Variants in PKP1 observed in about 807,000 individuals in gnomAD.
PKP1 encodes plakophilin 1.
A neutral mutation model predicts 76.4 loss-of-function variants in PKP1; 27 were observed. The observed-to-expected ratio is 0.35, with a 90% CI of 0.26 to 0.49. The LOEUF is 0.49. Among genes scored for constraint, PKP1 ranks in the 20% least tolerant of loss-of-function variants. The probability of loss-of-function intolerance (pLI) is 0.99; values close to 1 mark genes in which losing one functional copy is unlikely to be tolerated. For missense variants in PKP1, 964 were observed against 955.2 expected, an observed-to-expected ratio of 1.01 and a Z score of -0.12; for synonymous variants, 404 against 384.2, an observed-to-expected ratio of 1.05 and a Z score of -0.60.
At position 201,293,838 on chromosome 1, in the gene PKP1, C is replaced by T. The variant is rs566177770; in HGVS notation, c.203-104C>T. 100 of 771,110 alleles carry T rather than the reference C, an allele frequency of 1.3e-4. No individual in the cohort carries two copies. In the South Asian group the frequency reaches 1.4e-3, roughly 11 times the overall value. 47.8% of individuals were successfully genotyped at this position (771,110 alleles called of 1,614,324 possible). ...CCTCCAGGAGCTCAGACCTGGTCTCCTCCATGGGCATAGTGGACCTGGATG... is the reference window on the plus strand; with the variant it reads ...CCTCCAGGAGCTCAGACCTGGTCTCTTCCATGGGCATAGTGGACCTGGATG... On this transcript the variant is annotated intron_variant, in intron 1 of 13. Coordinates refer to ENST00000367324, the MANE Select transcript of PKP1 (RefSeq NM_001005337.3).
intron 1 of PKP1, among the ~76,000 whole-genome samples, chr1:201,289,196 G>T (rs1655828072): frequency 6.6e-6 from 1 of 152,176 alleles, no homozygotes; most frequent in Non-Finnish European, 1.5e-5. Context: ...ACCTCTGAGG[G>T]TATTCTCTCA....
Position 201,317,659 on chromosome 1 carries a change from C to A in PKP1, c.934C>A (p.Arg312Ser). Reference sequence around the variant, plus strand: ...CCAGCAGGCCGCGGCAGGGGCCCTGCGCAACCTGGTGTTCAGGAGCACCAC... The same window carrying A: ...CCAGCAGGCCGCGGCAGGGGCCCTGAGCAACCTGGTGTTCAGGAGCACCAC... ...NVQQAAAGAL[R>S]NLVFRSTTNK... The change falls in exon 5 of 14, where the codon CGC (arginine) becomes AGC (serine). Residue 312 changes from arginine to serine, a missense_variant. Physicochemically the swap from Arg to Ser is moderately radical, Grantham distance 110. Transcript: ENST00000367324. The A allele has an allele frequency of 6.2e-7, 1 of 1,613,994 alleles. No homozygotes were observed. Among genetic ancestry groups the A allele is most frequent in the Non-Finnish European group, 8.5e-7 (1 of 1,179,996 alleles).
intron 7 of PKP1, 120 bp downstream of exon 7, chr1:201,320,501 G>A (rs1259846663): frequency 4.1e-6 from 3 of 727,316 alleles, no homozygotes; most frequent in African/African-American, 3.5e-5. Flanking sequence ...GGTAGAAGAG[G>A]CATCTGGATG....
At chr1:201,320,443 C>T (rs957882069) in intron 7 of PKP1, 62 bp downstream of exon 7, 3 of 1,053,584 alleles carry the variant, frequency 2.8e-6, no homozygotes, top group East Asian at 2.4e-5. Flanking sequence ...TTTCTGGGTG[C>T]CTTTGAGGCC....
chr1:201,324,471 G>T lies in PKP1; in HGVS notation c.1724G>T (p.Gly575Val), dbSNP rs768107145. 1 of 1,613,270 alleles carries T rather than the reference G, an allele frequency of 6.2e-7. No homozygotes were observed. The highest frequency in any genetic ancestry group is 1.3e-5 in the African/African-American group (1 of 74,910). Reference protein sequence around the residue: ...MSQLIGLKEKGLPQIARLLQS... With the variant: ...MSQLIGLKEKVLPQIARLLQS... ...CAGTTGATTGGGCTGAAGGAAAAGG[G>T]CCTGCCACAAATTGCCCGCCTCCTG... is the stretch of plus-strand genomic sequence containing the variant. Residue 575 changes from glycine (G) to valine (V), a missense_variant, in exon 10 of 14, where the codon GGC becomes GTC. Gly to Val is a moderately radical substitution (Grantham distance 109). Transcript: ENST00000367324.
Position 201,322,101 on chromosome 1 carries a change from G to T in PKP1, c.1471G>T (p.Gly491Cys). ...RNAYTEKSST[G>C]CFSNKSDKMM... ...CGCCTACACCGAGAAGTCCTCCACT[G>T]GCTGCTTCAGCAACAAGAGCGACAA... The change falls in exon 8 of 14, where the codon GGC becomes TGC. Residue 491 changes from glycine to cysteine, a missense_variant. Transcript: ENST00000367324. The T allele has an allele frequency of 2.5e-6, 4 of 1,612,646 alleles. No homozygotes were observed. The highest frequency in any genetic ancestry group is 3.4e-6 in the Non-Finnish European group (4 of 1,179,992).
intron 3 of PKP1, among the ~76,000 whole-genome samples, chr1:201,314,643 G>A (rs546300654): frequency 1.1e-4 from 17 of 152,370 alleles, no homozygotes; most frequent in African/African-American, 9.6e-5. Context: ...CAGAGGTGTC[G>A]TGAGTGACAC....
rs139830834 is a variant in PKP1 at position 201,289,147 on chromosome 1, C to A, written c.203-4795C>A. Reference sequence around the variant, plus strand: ...CAGTCCTCCCTCCAGGAGCTGGAACCATCCCGCAGACACAGTCCACTCCTG... The same window carrying A: ...CAGTCCTCCCTCCAGGAGCTGGAACAATCCCGCAGACACAGTCCACTCCTG... On this transcript the variant is annotated intron_variant, in intron 1 of 13. Coordinates refer to ENST00000367324, the MANE Select transcript of PKP1 (RefSeq NM_001005337.3). 1.6e-3 allele frequency among the ~76,000 whole-genome samples: 247 copies of A among 152,326 alleles called. 1 individual carries two copies. Among genetic ancestry groups the A allele is most frequent in the Admixed American group, 4.1e-3 (62 of 15,306 alleles).
In PKP1 at chr1:201,325,001, A is replaced by C. The variant is rs200677178; in HGVS notation, c.1895A>C (p.Asn632Thr). 1.2e-5 allele frequency: 20 copies of C among 1,613,624 alleles called. No individual in the cohort carries two copies. ...LLTSHTGNTS[N>T]SEDILSSACY... Reference sequence around the variant, plus strand: ...ACCAGCCACACTGGCAATACCAGCAACTCCGAAGACATCTTGTCCTCGGCC... The same window carrying C: ...ACCAGCCACACTGGCAATACCAGCACCTCCGAAGACATCTTGTCCTCGGCC... The change falls in exon 11 of 14, where the codon AAC becomes ACC. Residue 632 changes from asparagine to threonine, a missense_variant. Asn to Thr is a moderately conservative substitution (Grantham distance 65). Coordinates refer to ENST00000367324, the MANE Select transcript of PKP1 (RefSeq NM_001005337.3).
rs10920170 is a variant in PKP1, at chr1:201,310,604, C to A, written c.307-2562C>A. Among the ~76,000 whole-genome samples the A allele has an allele frequency of 7.8e-3, 1,186 of 152,302 alleles. 15 individuals carry two copies. The highest frequency in any genetic ancestry group is 0.028 in the African/African-American group (1,149 of 41,548). On this transcript the variant is annotated intron_variant, in intron 2 of 13. Coordinates refer to ENST00000367324, the MANE Select transcript of PKP1 (RefSeq NM_001005337.3). ...CTTGTGCCTTGGAGGGAATCCAGGCCCCCTCATGGTACTTGGGGAGGACGG... is the reference window on the plus strand; with the variant it reads ...CTTGTGCCTTGGAGGGAATCCAGGCACCCTCATGGTACTTGGGGAGGACGG...
chr1:201,323,054 C>T lies in PKP1; in HGVS notation c.1545C>T (p.Asn515=), dbSNP rs1288395101. 6.2e-7 allele frequency: 1 copy of T among 1,614,170 alleles called. No individual in the cohort carries two copies. The highest frequency in any genetic ancestry group is 8.5e-7 in the Non-Finnish European group (1 of 1,180,018). ...GCCCCCTGCCTGAGGAAGAGACCAA[C>T]CCCAAGGGCAGCGGCTGGTTGTACC... ...YDCPLPEEET[N]PKGSGWLYHS... Residue 515 remains asparagine (N), a synonymous_variant, in exon 9 of 14, where the codon AAC becomes AAT. Transcript: ENST00000367324.
intron 3 of PKP1, among the ~76,000 whole-genome samples, chr1:201,314,012 T>C (rs1656649612): frequency 6.6e-6 from 1 of 152,192 alleles, no homozygotes; most frequent in Admixed American, 6.5e-5. Flanking sequence ...TTTGAGAACC[T>C]CTGATCTTAG....
chr1:201,290,755 G>C (rs985655613), intron 1 of PKP1, among the ~76,000 whole-genome samples: 8 of 152,314 alleles, frequency 5.3e-5, no homozygotes, highest in Admixed American at 2.6e-4. Context: ...TGAACTCAAG[G>C]TCCCAGGGAA....
At chr1:201,291,213 T>C (rs982713260) in intron 1 of PKP1, among the ~76,000 whole-genome samples, 2 of 152,174 alleles carry the variant, frequency 1.3e-5, no homozygotes, top group African/African-American at 4.8e-5. Context: ...AGGTGTGATG[T>C]TACCCTCATT....
intron 2 of PKP1, among the ~76,000 whole-genome samples, chr1:201,312,105 C>T (rs1656574492): frequency 6.6e-6 from 1 of 152,230 alleles, no homozygotes; most frequent in South Asian, 2.1e-4. Context: ...TGTACCCCAC[C>T]TTGCAGCCCC....
At position 201,313,336 on chromosome 1, in the gene PKP1, C is replaced by A; in HGVS notation, c.477C>A (p.Leu159=). 1 of 1,590,674 alleles carries A rather than the reference C, an allele frequency of 6.3e-7. No individual in the cohort carries two copies. The change falls in exon 3 of 14, where the codon CTC becomes CTA. Residue 159 remains leucine, a synonymous_variant. Transcript: ENST00000367324. ...KIKASRSEPD[L]YCDPRGTLRK... is the part of the protein sequence containing the mutation. ...AGGCGAGCCGCAGTGAGCCCGACCTCTACTGTGACCCACGGGGCACCCTGC... is the reference window on the plus strand; with the variant it reads ...AGGCGAGCCGCAGTGAGCCCGACCTATACTGTGACCCACGGGGCACCCTGC...
chr1:201,321,901 T>TAG, intron 7 of PKP1, 77 bp from the exon 8 acceptor site: 2 of 1,550,300 alleles, frequency 1.3e-6, no homozygotes, highest in East Asian at 2.2e-5. Context: ...GCTCTCTTAT[T>TAG]AGCTAGGGTA....
At chr1:201,285,882 G>A (rs114669947) in intron 1 of PKP1, among the ~76,000 whole-genome samples, 1,872 of 152,346 alleles carry the variant, frequency 0.012, 24 homozygotes, top group Middle Eastern at 0.02. Flanking sequence ...CTGGGGGAGG[G>A]TTGATGCTGA....
rs569564663 is a variant in PKP1 at position 201,322,031 on chromosome 1, C to G, written c.1401C>G (p.Ala467=). ...ACAACCTCTCCTACCGCCTGGACGC[C>G]GAGGTGCCCACCCGCTACCGCCAGC... ...VLHNLSYRLD[A]EVPTRYRQLE... is the part of the protein sequence containing the mutation. The change falls in exon 8 of 14, where the codon GCC becomes GCG. Residue 467 remains alanine (A), a synonymous_variant. Coordinates refer to ENST00000367324, the MANE Select transcript of PKP1 (RefSeq NM_001005337.3). 2 of 1,614,040 alleles carry G rather than the reference C, an allele frequency of 1.2e-6. No individual in the cohort carries two copies. The highest frequency in any genetic ancestry group is 1.3e-5 in the African/African-American group (1 of 75,028).
Sources: gnomAD v4.1 joint callset for allele counts (sites outside exome capture counted in the v4.1 genomes callset) on GRCh38, gnomAD v4.1.1 for gene constraint, MANE v1.5 for transcripts, NCBI Gene and HGNC (gene_info 2026-07-23, HGNC 2026-07-21) for gene names.